The following RBFOX1 variants were observed in gnomAD, a reference collection of about 807,000 sequenced individuals.
The protein encoded by RBFOX1 is RNA binding fox-1 homolog 1.
A neutral mutation model predicts 57.7 loss-of-function variants in RBFOX1; 8 were observed. The ratio of observed to expected loss-of-function variants is 0.14; its 90% CI spans 0.08 to 0.25. RBFOX1 has a LOEUF of 0.25. Ranked by LOEUF, RBFOX1 falls within the 10% of genes least tolerant of loss-of-function variation. The pLI, the probability that RBFOX1 is intolerant of heterozygous loss-of-function variation, is 1.00. For missense variants in RBFOX1, 611 were observed against 548.5 expected (o/e 1.11, Z -1.14); for synonymous variants, 326 against 222.4 (o/e 1.47, Z -4.15).
At chr16:6,946,260 T>G (rs1345840781) in intron 3 of RBFOX1, among the ~76,000 whole-genome samples, 3 of 152,226 alleles carry the variant, frequency 2.0e-5, no homozygotes, top group African/African-American at 7.2e-5. Flanking sequence ...ATCCTTGTAG[T>G]ACAACAATAG....
intron 3 of RBFOX1, among the ~76,000 whole-genome samples, chr16:5,865,106 T>A (rs1200407941): frequency 6.6e-6 from 1 of 152,162 alleles, no homozygotes; most frequent in Non-Finnish European, 1.5e-5. Context: ...TTGGGGGACA[T>A]CAGAGTAGTC....
chr16:7,421,812 G>C (rs1198469707), intron 4 of RBFOX1, among the ~76,000 whole-genome samples: 1 of 152,196 alleles, frequency 6.6e-6, no homozygotes, highest in Non-Finnish European at 1.5e-5. Context: ...AAATAATGAT[G>C]GGGCACTGAA....
chr16:7,035,475 C>T (rs974686307), intron 3 of RBFOX1, among the ~76,000 whole-genome samples: 1 of 152,164 alleles, frequency 6.6e-6, no homozygotes, highest in Non-Finnish European at 1.5e-5. Flanking sequence ...ATAAGACTTC[C>T]CCTGGGATTA....
chr16:6,627,459 A>G (rs1371113884), intron 2 of RBFOX1, among the ~76,000 whole-genome samples: 1 of 152,096 alleles, frequency 6.6e-6, no homozygotes, highest in Non-Finnish European at 1.5e-5. Context: ...AGTCTCTATG[A>G]TGTTGATTGG....
chr16:5,415,992 G>A (rs754253703), intron 1 of RBFOX1, among the ~76,000 whole-genome samples: 1 of 152,182 alleles, frequency 6.6e-6, no homozygotes, highest in Admixed American at 6.5e-5. Context: ...GTAACGCAGT[G>A]ATAGTGTTAC....
intron 1 of RBFOX1, among the ~76,000 whole-genome samples, chr16:5,362,139 T>G (rs1037897387): frequency 6.6e-6 from 1 of 152,242 alleles, no homozygotes; most frequent in African/African-American, 2.4e-5. Context: ...TATTGTTATC[T>G]ACAGGCATAA....
chr16:7,368,787 A>T (rs2097513899), intron 4 of RBFOX1, among the ~76,000 whole-genome samples: 1 of 151,372 alleles, frequency 6.6e-6, no homozygotes, highest in African/African-American at 2.4e-5. Flanking sequence ...CTCAAAAAAA[A>T]AAAAAAAAAT....
intron 4 of RBFOX1, among the ~76,000 whole-genome samples, chr16:5,871,735 A>T (rs1384125149): frequency 2.0e-5 from 3 of 152,206 alleles, no homozygotes; most frequent in Non-Finnish European, 4.4e-5. Context: ...GAGGAAAAAA[A>T]AAATTCATTT....
intron 3 of RBFOX1, among the ~76,000 whole-genome samples, chr16:5,702,691 A>C (rs1438014683): frequency 6.6e-6 from 1 of 152,214 alleles, no homozygotes; most frequent in Non-Finnish European, 1.5e-5. Flanking sequence ...CAATTGACCC[A>C]TCTGTAAAAT....
Position 6,243,652 on chromosome 16 carries a change from C to G in RBFOX1, c.-126-73343C>G, listed in dbSNP as rs149340745. On this transcript the variant is annotated intron_variant, in intron 1 of 15. Coordinates refer to ENST00000550418, the MANE Select transcript of RBFOX1 (RefSeq NM_018723.4). ...CCTGTGGCCCGTAACCCGGGCCTGT[C>G]TCATCAGAGCATCCCAACCCCTGAC... 6.8e-3 allele frequency among the ~76,000 whole-genome samples: 1,033 copies of G among 152,326 alleles called. 4 individuals are homozygous for G. The highest frequency in any genetic ancestry group is 0.017 in the Middle Eastern group (5 of 294).
chr16:6,943,095 A>G (rs1047073663), intron 3 of RBFOX1, among the ~76,000 whole-genome samples: 1 of 152,164 alleles, frequency 6.6e-6, no homozygotes, highest in Non-Finnish European at 1.5e-5. Context: ...GCAGGTCCCC[A>G]GGAGGGAGCC....
intron 1 of RBFOX1, among the ~76,000 whole-genome samples, chr16:6,168,519 A>C (rs1338542802): frequency 6.6e-6 from 1 of 152,216 alleles, no homozygotes; most frequent in East Asian, 1.9e-4. Flanking sequence ...TTCAACCTTG[A>C]AAATGGGTTT....
intron 4 of RBFOX1, among the ~76,000 whole-genome samples, chr16:7,274,457 A>T (rs531155853): frequency 6.2e-4 from 94 of 152,210 alleles, no homozygotes; most frequent in Non-Finnish European, 1.1e-3. Context: ...ATGCAAGCTT[A>T]GCAAAGTCAG....
At chr16:6,172,392 C>T (rs77603804) in intron 1 of RBFOX1, among the ~76,000 whole-genome samples, 5,216 of 152,274 alleles carry the variant, frequency 0.034, 284 homozygotes, top group African/African-American at 0.12. Context: ...TGCTTCATCT[C>T]TCGTTTACAG....
chr16:6,679,878 G>GT (rs71145274), intron 3 of RBFOX1, among the ~76,000 whole-genome samples: 1,382 of 114,202 alleles, frequency 0.012, 104 homozygotes, highest in African/African-American at 0.05. Context: ...GTTTCTACTT[G>GT]TTTTTTTTTT....
At chr16:5,806,959 A>G (rs1041440297) in intron 3 of RBFOX1, among the ~76,000 whole-genome samples, 6 of 152,082 alleles carry the variant, frequency 3.9e-5, no homozygotes, top group African/African-American at 1.2e-4. Flanking sequence ...CCAGGAAGAG[A>G]AGGAATAGTT....
chr16:6,650,139 C>G (rs1460852812), intron 2 of RBFOX1, among the ~76,000 whole-genome samples: 1 of 152,154 alleles, frequency 6.6e-6, no homozygotes, highest in Non-Finnish European at 1.5e-5. Context: ...TTTGAGAAGC[C>G]TCCACACCGT....
intron 4 of RBFOX1, among the ~76,000 whole-genome samples, chr16:7,319,845 C>A (rs2096513455): frequency 6.6e-6 from 1 of 152,068 alleles, no homozygotes; most frequent in Non-Finnish European, 1.5e-5. Flanking sequence ...GTTCTAATAT[C>A]CTCATTTGTA....
chr16:7,579,308 T>C (rs188613706), intron 5 of RBFOX1, among the ~76,000 whole-genome samples: 30 of 152,322 alleles, frequency 2.0e-4, no homozygotes, highest in East Asian at 1.9e-3. Context: ...TGAACAATTA[T>C]GTAGGCATAT....
Sources: gnomAD v4.1 joint callset for allele counts (sites outside exome capture counted in the v4.1 genomes callset) on GRCh38, gnomAD v4.1.1 for gene constraint, MANE v1.5 for transcripts, NCBI Gene and HGNC (gene_info 2026-07-23, HGNC 2026-07-21) for gene names.